Variants in USP40 observed in about 807,000 individuals in gnomAD.
USP40 encodes ubiquitin specific peptidase 40.
In USP40, 143 loss-of-function variants were observed where a neutral mutation model predicts 166.2. The observed-to-expected ratio is 0.86, with a 90% CI of 0.75 to 0.99. USP40 has a LOEUF of 0.99. Ranked by LOEUF, USP40 falls within the 50% of genes least tolerant of loss-of-function variation. USP40 has a pLI of 0.00. For missense variants in USP40, 1,444 were observed against 1,479.7 expected (o/e 0.98, Z 0.40); for synonymous variants, 498 against 524.0 (o/e 0.95, Z 0.68).
intron 21 of USP40, among the ~76,000 whole-genome samples, chr2:233,506,908 TAA>T (rs538599395): frequency 1.3e-5 from 2 of 148,482 alleles, no homozygotes; most frequent in African/African-American, 4.9e-5. Flanking sequence ...AAGACTGTCT[TAA>T]AAAAAAAATC....
At chr2:233,521,142 T>C (rs2067623293) in intron 16 of USP40, 28 bp from the exon 17 acceptor site, 1 of 1,596,098 alleles carries the variant, frequency 6.3e-7, no homozygotes, top group Non-Finnish European at 8.5e-7. Context: ...AGATCAGAAA[T>C]TAATACCTTT....
chr2:233,481,930 C>T (rs2064627038), intron 30 of USP40, among the ~76,000 whole-genome samples: 1 of 152,190 alleles, frequency 6.6e-6, no homozygotes, highest in Admixed American at 6.5e-5. Context: ...AAGGGAAGTG[C>T]GTGTCAGGAA....
At chr2:233,520,925 T>A (rs1367474738) in intron 17 of USP40, 66 bp downstream of exon 17, 13 of 1,538,068 alleles carry the variant, frequency 8.5e-6, no homozygotes, top group Non-Finnish European at 1.1e-5. Flanking sequence ...ATTAAGGTAT[T>A]GTTTTCTAAA....
At chr2:233,537,258 T>C (rs926866024) in intron 10 of USP40, among the ~76,000 whole-genome samples, 6 of 152,168 alleles carry the variant, frequency 3.9e-5, no homozygotes, top group African/African-American at 1.4e-4. Flanking sequence ...ATGCAAATAC[T>C]ATGCCATTTC....
chr2:233,512,846 CTT>C (rs2066930278), intron 18 of USP40: 1 of 260,250 alleles, frequency 3.8e-6, no homozygotes, highest in Non-Finnish European at 7.2e-6. Context: ...TACAGGCAGT[CTT>C]TGTTTTGTGC....
chr2:233,544,102 C>T (rs769867493), intron 8 of USP40, among the ~76,000 whole-genome samples: 1 of 152,184 alleles, frequency 6.6e-6, no homozygotes, highest in Non-Finnish European at 1.5e-5. Context: ...AGGGTACTCA[C>T]ACTTCTGCCT....
At chr2:233,531,895 G>C (rs78269457) in intron 11 of USP40, among the ~76,000 whole-genome samples, 1,555 of 152,310 alleles carry the variant, frequency 0.01, 28 homozygotes, top group African/African-American at 0.035. Flanking sequence ...TGTAATCCCA[G>C]TGAGGCAGGA....
In USP40 at chr2:233,481,308, A is replaced by G; in HGVS notation, c.3505-11T>C. 1 of 1,584,274 alleles carries G rather than the reference A, an allele frequency of 6.3e-7. No homozygotes were observed. Among genetic ancestry groups the G allele is most frequent in the Non-Finnish European group, 8.6e-7 (1 of 1,163,408 alleles). Reference sequence around the variant, plus strand: ...GTCAATCAGGAGATTCTACATTTCAAAAGAAGTAATGAGCAGTGTTTTCTG... The same window carrying G: ...GTCAATCAGGAGATTCTACATTTCAGAAGAAGTAATGAGCAGTGTTTTCTG... On this transcript the variant is annotated splice_polypyrimidine_tract_variant and intron_variant, in intron 30 of 31. Transcript: ENST00000678225.
At chr2:233,519,734 T>C (rs1048618880) in intron 17 of USP40, 63 bp from the exon 18 acceptor site, 9 of 937,622 alleles carry the variant, frequency 9.6e-6, no homozygotes, top group Non-Finnish European at 1.3e-5. Context: ...AAAATGAGGA[T>C]TGTCACTGTG....
In USP40 at chr2:233,485,754, C is replaced by A. The variant is rs767781759; in HGVS notation, c.3408+13G>T. The A allele has an allele frequency of 1.2e-6, 2 of 1,612,456 alleles. No individual in the cohort carries two copies. ...TAAGCCCCAATTTCTCTGAGACAGCCCCACAACTTTACCCAGCTAGATATC... is the reference window on the plus strand; with the variant it reads ...TAAGCCCCAATTTCTCTGAGACAGCACCACAACTTTACCCAGCTAGATATC... On this transcript the variant is annotated intron_variant, in intron 29 of 31. Coordinates refer to ENST00000678225, the MANE Select transcript of USP40 (RefSeq NM_001365479.2).
At chr2:233,497,035 G>C (rs749416361) in intron 23 of USP40, among the ~76,000 whole-genome samples, 2 of 152,184 alleles carry the variant, frequency 1.3e-5, no homozygotes, top group African/African-American at 2.4e-5. Context: ...CTGTAAGTCT[G>C]ACAGAAGAAC....
chr2:233,518,209 G>GGT (rs2067375681), intron 18 of USP40, among the ~76,000 whole-genome samples: 2 of 97,476 alleles, frequency 2.1e-5, no homozygotes, highest in East Asian at 8.1e-4. Context: ...CTCAAAATAT[G>GGT]TTTTTTTTTT....
intron 8 of USP40, among the ~76,000 whole-genome samples, chr2:233,548,339 C>A (rs765807676): frequency 6.6e-6 from 1 of 152,172 alleles, no homozygotes; most frequent in Non-Finnish European, 1.5e-5. Context: ...GTGAAAGCTA[C>A]AGACACGGGA....
In USP40 at chr2:233,512,599, T is replaced by C. The variant is rs2066915417; in HGVS notation, c.2407A>G (p.Ile803Val). The C allele has an allele frequency of 6.3e-7, 1 of 1,585,276 alleles. No individual in the cohort carries two copies. Among genetic ancestry groups the C allele is most frequent in the Non-Finnish European group, 8.6e-7 (1 of 1,167,104 alleles). ...CAAAGAAGCTTCCCATTTCTATCAA[T>C]AGGTCTCAAACAGCTGTTGTCAGCT... ...ELADNSCLRP[I>V]DRNGKLLCPV... is the part of the protein sequence containing the mutation. The change falls in exon 19 of 32, where the codon ATT becomes GTT. Residue 803 changes from isoleucine to valine, a missense_variant. By Grantham distance (29) the Ile-to-Val change is conservative (BLOSUM62 3). Transcript: ENST00000678225.
chr2:233,491,084 GA>G, intron 26 of USP40, 82 bp downstream of exon 26: 2 of 1,027,436 alleles, frequency 1.9e-6, no homozygotes, highest in Non-Finnish European at 3.0e-6. Flanking sequence ...GTAATTGAGG[GA>G]AAAGGAGATA....
intron 6 of USP40, among the ~76,000 whole-genome samples, chr2:233,553,844 T>C (rs997334154): frequency 6.6e-6 from 1 of 152,112 alleles, no homozygotes; most frequent in Non-Finnish European, 1.5e-5. Flanking sequence ...GTCCTGACTT[T>C]CTTTTGTCTT....
At chr2:233,527,284 C>A (rs1304666907) in intron 13 of USP40, 123 bp downstream of exon 13, 12 of 1,097,234 alleles carry the variant, frequency 1.1e-5, no homozygotes, top group African/African-American at 1.6e-5. Context: ...TATGAAGTGG[C>A]AGATGTCAGA....
In USP40 at chr2:233,494,971, TATATATATACAC is replaced by T. The variant is rs1156915311; in HGVS notation, c.2791-1432_2791-1421del. Among the ~76,000 whole-genome samples the T allele has an allele frequency of 2.8e-4, 19 of 69,042 alleles. 1 individual carries two copies. Among genetic ancestry groups the T allele is most frequent in the African/African-American group, 1.2e-3 (15 of 12,786 alleles). 45.3% of individuals were successfully genotyped at this position (69,042 alleles called of 152,430 possible). A position where few individuals can be genotyped will look rare whatever the true frequency, so the allele number is the denominator to read the frequency against. On this transcript the variant is annotated intron_variant, in intron 24 of 31. Coordinates refer to ENST00000678225, the MANE Select transcript of USP40 (RefSeq NM_001365479.2). The stretch of plus-strand genomic sequence containing the variant: ...ATATATATATTTATATATATATATA[TATATATATACAC>T]ACACATAAAAAATAAATAAATAAAT...
chr2:233,489,181 C>T (rs1422411238), intron 27 of USP40, among the ~76,000 whole-genome samples, 184 bp downstream of exon 27: 1 of 152,200 alleles, frequency 6.6e-6, no homozygotes, highest in Non-Finnish European at 1.5e-5. Context: ...TTATACTTAA[C>T]ATGGAAAACT....
Sources: gnomAD v4.1 joint callset for allele counts (sites outside exome capture counted in the v4.1 genomes callset) on GRCh38, gnomAD v4.1.1 for gene constraint, MANE v1.5 for transcripts, NCBI Gene and HGNC (gene_info 2026-07-23, HGNC 2026-07-21) for gene names.